Variants in TUBGCP2 observed in about 807,000 individuals in gnomAD.
TUBGCP2 encodes tubulin gamma complex component 2.
In TUBGCP2, 55 loss-of-function variants were observed where a neutral mutation model predicts 92.2. That is an observed-to-expected ratio of 0.60 (90% CI 0.48 to 0.75). The LOEUF is 0.75. Ranked by LOEUF, TUBGCP2 falls within the 30% of genes least tolerant of loss-of-function variation. The pLI is 0.00. For synonymous variants in TUBGCP2, 533 were observed against 505.2 expected (o/e 1.06, Z -0.74); for missense variants, 1,093 against 1,188.9 (o/e 0.92, Z 1.19).
At chr10:133,292,849 G>C (rs1190415345) in intron 7 of TUBGCP2, among the ~76,000 whole-genome samples, 161 bp from the exon 8 acceptor site, 1 of 152,234 alleles carries the variant, frequency 6.6e-6, no homozygotes, top group Non-Finnish European at 1.5e-5. Context: ...GCTGATTTCA[G>C]CTGACCAGTA....
chr10:133,312,270 A>G (rs943312088), upstream of TUBGCP2: 4 of 1,311,176 alleles, frequency 3.1e-6, no homozygotes, highest in South Asian at 6.8e-5. Context: ...CCTTTCTAGC[A>G]TGACCTGTAC....
rs1370747982 is a variant in TUBGCP2 at position 133,288,963 on chromosome 10, T to G, written c.1418A>C (p.Lys473Thr). 6.2e-7 allele frequency: 1 copy of G among 1,614,138 alleles called. No homozygotes were observed. The highest frequency in any genetic ancestry group is 1.1e-5 in the South Asian group (1 of 91,086). Residue 473 changes from lysine to threonine, a missense_variant, in exon 10 of 18, where the codon AAA becomes ACA. Physicochemically the swap from Lys to Thr is moderately conservative, Grantham distance 78. Transcript: ENST00000252936. ...CTCTTTTAACGTGTAGATGATCTCT[T>G]TAGCCACCGGGCAGGTGACGTCATG... ...CGHDVTCPVA[K>T]EIIYTLKERA... is the part of the protein sequence containing the mutation.
intron 16 of TUBGCP2, 148 bp downstream of exon 16, chr10:133,282,075 C>G (rs534132902): frequency 7.6e-7 from 1 of 1,314,774 alleles, no homozygotes; most frequent in African/African-American, 1.5e-5. Context: ...TGTGCTTGTG[C>G]TTGGAAGCTA....
intron 9 of TUBGCP2, among the ~76,000 whole-genome samples, chr10:133,289,329 C>T (rs976654549): frequency 3.3e-5 from 5 of 152,224 alleles, no homozygotes; most frequent in Non-Finnish European, 2.9e-5. Context: ...GAAATAATTT[C>T]GAACAGGCAT....
intron 2 of TUBGCP2, chr10:133,300,643 T>C (rs1359209902): frequency 6.5e-6 from 1 of 152,850 alleles, no homozygotes; most frequent in Non-Finnish European, 1.5e-5. Flanking sequence ...CTTCTTCGTA[T>C]TATTTTAATT....
Position 133,302,946 on chromosome 10 carries a change from T to A in TUBGCP2, c.-5A>T. On this transcript the variant is annotated 5_prime_UTR_variant, in exon 2 of 18. The change abolishes the stop of an existing upstream ORF in the 5' untranslated region. Transcript: ENST00000252936. Reference sequence around the variant, plus strand: ...GTGAATCCGAAATTCACTCATAGTTTTAGCTCTGAGGCACGAACATCACAA... The same window carrying A: ...GTGAATCCGAAATTCACTCATAGTTATAGCTCTGAGGCACGAACATCACAA... The A allele has an allele frequency of 6.2e-7, 1 of 1,614,044 alleles. No individual in the cohort carries two copies. The highest frequency in any genetic ancestry group is 2.2e-5 in the East Asian group (1 of 44,892).
At chr10:133,289,699 G>C in intron 9 of TUBGCP2, 125 bp downstream of exon 9, 5 of 1,134,724 alleles carry the variant, frequency 4.4e-6, no homozygotes, top group Non-Finnish European at 5.9e-6. Context: ...CCGCATTCAC[G>C]GACACCAGGG....
intron 10 of TUBGCP2, 122 bp downstream of exon 10, chr10:133,288,718 C>T: frequency 8.7e-7 from 1 of 1,155,558 alleles, no homozygotes; most frequent in Non-Finnish European, 1.2e-6. Flanking sequence ...TCCAGCAGTG[C>T]CCACTTTCAA....
At chr10:133,306,963 T>TC (rs1008097025) in intron 1 of TUBGCP2, among the ~76,000 whole-genome samples, 11 of 151,932 alleles carry the variant, frequency 7.2e-5, no homozygotes, top group African/African-American at 2.4e-4. Context: ...ACAGAGTCCC[T>TC]CCCCCCAGAA....
chr10:133,285,308 G>A lies in TUBGCP2; in HGVS notation c.1896-95C>T, dbSNP rs188213040. ...CTCCACAGTCCGCACCGTGGCCCCC[G>A]GACAGCCCGTGAATCTCTCGGACAC... is the stretch of plus-strand genomic sequence containing the variant. On this transcript the variant is annotated intron_variant, in intron 12 of 17. Transcript: ENST00000252936. This position sits in a 1 kb window ranked among gnomAD's most constrained non-coding sequence, Gnocchi z 6.8. 174 of 1,593,184 alleles carry A rather than the reference G, an allele frequency of 1.1e-4. 2 individuals are homozygous for A. The East Asian group carries it at 2.8e-3, about 26-fold the overall frequency.
At chr10:133,287,013 C>A (rs1847149884) in intron 11 of TUBGCP2, among the ~76,000 whole-genome samples, 1 of 152,112 alleles carries the variant, frequency 6.6e-6, no homozygotes, top group African/African-American at 2.4e-5. Flanking sequence ...GTCAACAAAC[C>A]CAAGAGTTGG....
In TUBGCP2 at chr10:133,285,755, A is replaced by G; in HGVS notation, c.1723-127T>C. 1 of 916,730 alleles carries G rather than the reference A, an allele frequency of 1.1e-6. No individual in the cohort carries two copies. Among genetic ancestry groups the G allele is most frequent in the Non-Finnish European group, 1.5e-6 (1 of 673,032 alleles). The allele number at this position is 916,730 out of a possible 1,614,324, so 56.8% of individuals were successfully genotyped here. ...GGTTCCCTACATTCCGATTCTAAATATCAGAGGCTTTTCAAAAACCCAAAC... is the reference window on the plus strand; with the variant it reads ...GGTTCCCTACATTCCGATTCTAAATGTCAGAGGCTTTTCAAAAACCCAAAC... On this transcript the variant is annotated intron_variant, in intron 11 of 17. Transcript: ENST00000252936. The surrounding 1 kb of genome is among the most constrained non-coding windows in gnomAD (Gnocchi z 6.8).
intron 1 of TUBGCP2, among the ~76,000 whole-genome samples, chr10:133,305,662 C>G (rs117280115): frequency 1.3e-5 from 2 of 151,254 alleles, no homozygotes; most frequent in Non-Finnish European, 2.9e-5. Flanking sequence ...ATTATTAGCA[C>G]GGGACTCGAC....
intron 8 of TUBGCP2, chr10:133,290,214 GCCGGGCACAGTGGCTCACGCCTGTAAC>G: frequency 2.1e-6 from 1 of 487,488 alleles, no homozygotes; most frequent in South Asian, 2.4e-5. Flanking sequence ...GAACCTAGGG[GCCGGGCACAGTGGCTCACGCCTGTAAC>G]CCCAGCACTT....
At position 133,281,407 on chromosome 10, in the gene TUBGCP2, C is replaced by A. The variant is rs758498831; in HGVS notation, c.2439G>T (p.Gln813His). The change falls in exon 17 of 18, where the codon CAG (glutamine) becomes CAT (histidine). Residue 813 changes from glutamine to histidine, a missense_variant. Around this residue, in one of 3 missense-constraint regions of TUBGCP2, gnomAD observed 598 missense variants for 675.5 expected, o/e 0.89. Transcript: ENST00000252936. ...KHLAEHADTV[Q>H]LVSGFEATIN... ...TGGTGGCCTCGAAGCCGGACACCAGCTGCACAGTGTCTGCGTGCTCAGCCA... is the reference window on the plus strand; with the variant it reads ...TGGTGGCCTCGAAGCCGGACACCAGATGCACAGTGTCTGCGTGCTCAGCCA... 8 of 1,613,472 alleles carry A rather than the reference C, an allele frequency of 5.0e-6. No homozygotes were observed. Among genetic ancestry groups the A allele is most frequent in the Non-Finnish European group, 6.8e-6 (8 of 1,179,998 alleles).
rs532156837 is a variant in TUBGCP2, at chr10:133,296,526, G to A, written c.616+1426C>T. ...AGGGTCTCGCTCTGTTGCCCAGGCT[G>A]GAGTGCAGTGGCACGATCACAGCTC... On this transcript the variant is annotated intron_variant, in intron 5 of 17. Transcript: ENST00000252936. Among the ~76,000 whole-genome samples, 12 of 151,740 alleles carry A rather than the reference G, an allele frequency of 7.9e-5. No homozygotes were observed. In the East Asian group the frequency reaches 2.1e-3, roughly 27 times the overall value.
intron 13 of TUBGCP2, 107 bp from the exon 14 acceptor site, chr10:133,284,109 G>A (rs901076449): frequency 1.3e-5 from 20 of 1,512,692 alleles, no homozygotes; most frequent in African/African-American, 2.8e-5. Context: ...TTCTCTGGAC[G>A]TGGCTATTTC....
In TUBGCP2 at chr10:133,288,305, T is replaced by C; in HGVS notation, c.1546A>G (p.Ile516Val). 6.2e-7 allele frequency: 1 copy of C among 1,613,166 alleles called. No homozygotes were observed. Among genetic ancestry groups the C allele is most frequent in the Non-Finnish European group, 8.5e-7 (1 of 1,179,880 alleles). ...EKELVAHLRS[I>V]KRYFLMDQGD... is the part of the protein sequence containing the mutation. ...TGGTCCATGAGGAAGTAGCGCTTGA[T>C]GGACCTGCGCCAGGGAGCAGGCGTG... Residue 516 changes from isoleucine to valine, a missense_variant, in exon 11 of 18, where the codon ATC becomes GTC. Physicochemically the swap from Ile to Val is conservative, Grantham distance 29. This residue lies in a region of TUBGCP2 where 598 missense variants were observed against 675.5 expected (regional missense o/e 0.89). Transcript: ENST00000252936.
rs1298681094 is a variant in TUBGCP2 at position 133,298,060 on chromosome 10, A to C, written c.508T>G (p.Ser170Ala). The part of the protein sequence containing the change: ...MLRDKQNKKN[S>A]GQHLPIFPAW... ...GGGAAGATGGGGAGGTGCTGGCCTGAATTTTTTTTGTTCTGCTTGTCTCGA... is the reference window on the plus strand; with the variant it reads ...GGGAAGATGGGGAGGTGCTGGCCTGCATTTTTTTTGTTCTGCTTGTCTCGA... Residue 170 changes from serine to alanine, a missense_variant, in exon 5 of 18, where the codon TCA becomes GCA. Coordinates refer to ENST00000252936, the MANE Select transcript of TUBGCP2 (RefSeq NM_006659.4). The C allele has an allele frequency of 6.2e-7, 1 of 1,614,058 alleles. No homozygotes were observed. The highest frequency in any genetic ancestry group is 2.2e-5 in the East Asian group (1 of 44,898).
Sources: allele counts gnomAD v4.1 joint callset (sites outside exome capture counted in the v4.1 genomes callset), GRCh38; gene constraint gnomAD v4.1.1; regional missense constraint gnomAD v4.1.1; non-coding constraint Gnocchi (gnomAD v3.1); transcripts MANE v1.5; gene names NCBI Gene and HGNC (gene_info 2026-07-23, HGNC 2026-07-21).